SON: variants seen among roughly 807,000 people sequenced by gnomAD.
SON encodes protein SON.
In SON, 4 loss-of-function variants were observed where a neutral mutation model predicts 173.3. The observed-to-expected ratio is 0.02, with a 90% CI of 0.01 to 0.05. SON has a LOEUF of 0.05. Among genes scored for constraint, SON ranks in the 10% least tolerant of loss-of-function variants. SON has a pLI of 1.00. For missense variants in SON, 2,626 were observed against 3,055.3 expected (o/e 0.86, Z 3.31); for synonymous variants, 1,190 against 1,105.9 (o/e 1.08, Z -1.51).
At position 33,553,515 on chromosome 21, in the gene SON, A is replaced by C. The variant is rs148534511; in HGVS notation, c.4284A>C (p.Gln1428His). The change falls in exon 3 of 12, where the codon CAA becomes CAC. Residue 1428 changes from glutamine (Q) to histidine (H), a missense_variant. This residue lies in a region of SON where 1,006 missense variants were observed against 895.6 expected (regional missense o/e 1.12). Transcript: ENST00000356577. Reference sequence around the variant, plus strand: ...TGGAACCAGCGGTGTCAGTCCTTCAACCTTCTATGATTGTTTCAGAACCAT... The same window carrying C: ...TGGAACCAGCGGTGTCAGTCCTTCACCCTTCTATGATTGTTTCAGAACCAT... ...PVLEPAVSVLQPSMIVSEPSV... is the reference protein window; with the variant it reads ...PVLEPAVSVLHPSMIVSEPSV... 6.2e-7 allele frequency: 1 copy of C among 1,614,100 alleles called. No homozygotes were observed. The highest frequency in any genetic ancestry group is 1.1e-5 in the South Asian group (1 of 91,074).
intron 4 of SON, chr21:33,557,826 C>T (rs1349279088): frequency 2.0e-5 from 13 of 641,134 alleles, no homozygotes; most frequent in African/African-American, 3.8e-5. Context: ...CAGCCATTGG[C>T]GATAATGGCC....
Position 33,557,212 on chromosome 21 carries a change from G to T in SON, c.6217G>T (p.Ala2073Ser). Reference sequence around the variant, plus strand: ...TAATGCAGCTGCCATGTGTGCTAAGGCTGGTGTCCCTTTACCACCAAACCT... The same window carrying T: ...TAATGCAGCTGCCATGTGTGCTAAGTCTGGTGTCCCTTTACCACCAAACCT... ...KANAAAMCAK[A>S]GVPLPPNLKP... Residue 2073 changes from alanine (A) to serine (S), a missense_variant, in exon 4 of 12, where the codon GCT becomes TCT. By Grantham distance (99) the Ala-to-Ser change is moderately conservative. Coordinates refer to ENST00000356577, the MANE Select transcript of SON (RefSeq NM_138927.4). 6.2e-7 allele frequency: 1 copy of T among 1,613,066 alleles called. No homozygotes were observed.
chr21:33,554,011 T>C lies in SON; in HGVS notation c.4780T>C (p.Ser1594Pro). The C allele has an allele frequency of 1.2e-6, 2 of 1,614,122 alleles. No homozygotes were observed. Among genetic ancestry groups the C allele is most frequent in the African/African-American group, 1.3e-5 (1 of 75,054 alleles). ...VSEADAGETLSSTGPFALEPD... is the reference protein window; with the variant it reads ...VSEADAGETLPSTGPFALEPD... ...TGAAGCTGATGCAGGAGAAACTCTA[T>C]CTTCTACTGGTCCTTTTGCTCTGGA... Residue 1594 changes from serine (S) to proline (P), a missense_variant, in exon 3 of 12, where the codon TCT (serine) becomes CCT (proline). Coordinates refer to ENST00000356577, the MANE Select transcript of SON (RefSeq NM_138927.4).
Position 33,549,504 on chromosome 21 carries a change from A to G in SON, c.273A>G (p.Arg91=). 4.5e-6 allele frequency: 7 copies of G among 1,548,890 alleles called. No homozygotes were observed. The highest frequency in any genetic ancestry group is 6.1e-6 in the Non-Finnish European group (7 of 1,156,368). Reference sequence around the variant, plus strand: ...TGAAAGAGGGCTCCAGAAAAAGTAGATGCGTATCTGTACAAACAGATCCTA... The same window carrying G: ...TGAAAGAGGGCTCCAGAAAAAGTAGGTGCGTATCTGTACAAACAGATCCTA... The part of the protein sequence containing the change: ...PDLKEGSRKS[R]CVSVQTDPTD... The change falls in exon 3 of 12, where the codon AGA becomes AGG. Residue 91 remains arginine, a synonymous_variant. Coordinates refer to ENST00000356577, the MANE Select transcript of SON (RefSeq NM_138927.4).
chr21:33,563,227 T>C (rs1054608395), intron 6 of SON, among the ~76,000 whole-genome samples: 7 of 152,144 alleles, frequency 4.6e-5, no homozygotes, highest in Non-Finnish European at 7.4e-5. Flanking sequence ...ATTTAGTAGG[T>C]TATCTATTTG....
Position 33,553,509 on chromosome 21 carries a change from C to A in SON, c.4278C>A (p.Val1426=). The A allele has an allele frequency of 1.2e-6, 2 of 1,614,206 alleles. No individual in the cohort carries two copies. The highest frequency in any genetic ancestry group is 1.7e-6 in the Non-Finnish European group (2 of 1,180,036). The stretch of plus-strand genomic sequence containing the variant: ...CTGTTCTGGAACCAGCGGTGTCAGT[C>A]CTTCAACCTTCTATGATTGTTTCAG... ...SVPVLEPAVS[V]LQPSMIVSEP... is the part of the protein sequence containing the mutation. Residue 1426 remains valine, a synonymous_variant, in exon 3 of 12, where the codon GTC becomes GTA. Transcript: ENST00000356577.
At position 33,550,797 on chromosome 21, in the gene SON, G is replaced by A; in HGVS notation, c.1566G>A (p.Val522=). ...ELEQPVGMTT[V]EHPGHPEVTT... The stretch of plus-strand genomic sequence containing the variant: ...AGCAGCCTGTGGGGATGACAACGGT[G>A]GAACATCCTGGGCATCCTGAGGTGA... The change falls in exon 3 of 12, where the codon GTG becomes GTA. Residue 522 remains valine (V), a synonymous_variant. Coordinates refer to ENST00000356577, the MANE Select transcript of SON (RefSeq NM_138927.4). The A allele has an allele frequency of 6.2e-7, 1 of 1,614,206 alleles. No homozygotes were observed. Among genetic ancestry groups the A allele is most frequent in the Non-Finnish European group, 8.5e-7 (1 of 1,180,020 alleles).
chr21:33,557,052 G>T, intron 3 of SON, 104 bp from the exon 4 acceptor site: 4 of 900,140 alleles, frequency 4.4e-6, no homozygotes, highest in Non-Finnish European at 4.6e-6. Context: ...CAAGTTCTTC[G>T]ATGGATCTAG....
intron 2 of SON, among the ~76,000 whole-genome samples, chr21:33,548,147 C>A (rs1455758653): frequency 1.3e-5 from 2 of 152,200 alleles, no homozygotes; most frequent in African/African-American, 4.8e-5. Context: ...TTGAATACTC[C>A]CATCTCTTTA....
At chr21:33,544,645 CTT>C (rs1305812025) in intron 1 of SON, among the ~76,000 whole-genome samples, 1 of 152,076 alleles carries the variant, frequency 6.6e-6, no homozygotes, top group African/African-American at 2.4e-5. Context: ...CAGTCTCAGT[CTT>C]TTGGACTTCT....
Position 33,550,116 on chromosome 21 carries a change from A to G in SON, c.885A>G (p.Pro295=), listed in dbSNP as rs545809028. 5.0e-6 allele frequency: 8 copies of G among 1,614,190 alleles called. No homozygotes were observed. Among genetic ancestry groups the G allele is most frequent in the South Asian group, 1.1e-5 (1 of 91,090 alleles). ...EPSKIMLVEP[P]VAKVLEPSET... Reference sequence around the variant, plus strand: ...CAAAGATCATGTTGGTAGAGCCCCCAGTAGCAAAAGTGTTAGAGCCTTCAG... The same window carrying G: ...CAAAGATCATGTTGGTAGAGCCCCCGGTAGCAAAAGTGTTAGAGCCTTCAG... The change falls in exon 3 of 12, where the codon CCA becomes CCG. Residue 295 remains proline, a synonymous_variant. Coordinates refer to ENST00000356577, the MANE Select transcript of SON (RefSeq NM_138927.4).
rs1284003543 is a variant in SON at position 33,554,674 on chromosome 21, G to GA, written c.5444dup (p.Lys1816GlufsTer12). 1 of 1,613,888 alleles carries GA rather than the reference G, an allele frequency of 6.2e-7. No homozygotes were observed. Reference sequence around the variant, plus strand: ...TAAGAACCGTGATAAGGGGGAGAAAGAGAAGAAAAGAGACTCTTCATTAAG... The same window carrying GA: ...TAAGAACCGTGATAAGGGGGAGAAAGAAGAAGAAAAGAGACTCTTCATTAAG... On this transcript the variant is annotated frameshift_variant, in exon 3 of 12. Coordinates refer to ENST00000356577, the MANE Select transcript of SON (RefSeq NM_138927.4). LOFTEE classifies it high-confidence loss of function.
chr21:33,556,370 A>C (rs1200968644), intron 3 of SON, among the ~76,000 whole-genome samples: 3 of 152,184 alleles, frequency 2.0e-5, no homozygotes, highest in Non-Finnish European at 4.4e-5. Context: ...CACAATGGGA[A>C]AAGGGGAAAA....
In SON at chr21:33,574,314, A is replaced by G. The variant is rs567995357; in HGVS notation, c.7033+859A>G. 2.0e-5 allele frequency among the ~76,000 whole-genome samples: 3 copies of G among 152,324 alleles called. No homozygotes were observed. In the South Asian group the frequency reaches 6.2e-4, roughly 32 times the overall value. ...TAAGTTGAAGCTAACTTCAATAGTT[A>G]AACTGTCTTAATGAATTTGGAAATG... is the stretch of plus-strand genomic sequence containing the variant. On this transcript the variant is annotated intron_variant, in intron 9 of 11. Transcript: ENST00000356577.
At chr21:33,573,189 A>T in intron 8 of SON, 119 bp from the exon 9 acceptor site, 1 of 759,554 alleles carries the variant, frequency 1.3e-6, no homozygotes, top group Non-Finnish European at 2.2e-6. Context: ...ATTTACATTT[A>T]ATTGCTATAA....
chr21:33,551,885 T>A lies in SON; in HGVS notation c.2654T>A (p.Met885Lys). 1 of 1,614,066 alleles carries A rather than the reference T, an allele frequency of 6.2e-7. No homozygotes were observed. The highest frequency in any genetic ancestry group is 1.1e-5 in the South Asian group (1 of 91,078). Residue 885 changes from methionine to lysine, a missense_variant, in exon 3 of 12, where the codon ATG becomes AAG. Transcript: ENST00000356577. Reference protein sequence around the residue: ...MLASGTMDAQMLASGTMDAQM... With the variant: ...MLASGTMDAQKLASGTMDAQM... ...GCTTCTGGCACCATGGATGCTCAGA[T>A]GTTAGCGTCTGGTACCATGGATGCC... is the stretch of plus-strand genomic sequence containing the variant.
chr21:33,552,362 C>T lies in SON; in HGVS notation c.3131C>T (p.Ala1044Val). 3 of 1,614,058 alleles carry T rather than the reference C, an allele frequency of 1.9e-6. No homozygotes were observed. Among genetic ancestry groups the T allele is most frequent in the Non-Finnish European group, 2.5e-6 (3 of 1,179,990 alleles). ...MSAYERSMMSAYERSMMSPMA... is the reference protein window; with the variant it reads ...MSAYERSMMSVYERSMMSPMA... Reference sequence around the variant, plus strand: ...GCCTACGAGCGCTCTATGATGTCAGCCTACGAGCGCTCTATGATGTCCCCT... The same window carrying T: ...GCCTACGAGCGCTCTATGATGTCAGTCTACGAGCGCTCTATGATGTCCCCT... The change falls in exon 3 of 12, where the codon GCC becomes GTC. Residue 1044 changes from alanine (A) to valine (V), a missense_variant. This residue lies in a region of SON where 366 missense variants were observed against 448.6 expected (regional missense o/e 0.82). Transcript: ENST00000356577. This position sits in a 1 kb window ranked among gnomAD's most constrained non-coding sequence, Gnocchi z 5.6.
intron 8 of SON, chr21:33,570,001 G>A (rs1387947946): frequency 6.4e-6 from 1 of 155,146 alleles, no homozygotes; most frequent in African/African-American, 2.4e-5. Context: ...CATCATTGGG[G>A]GAGTCTTAGG....
At chr21:33,572,819 T>C (rs1836117380) in intron 8 of SON, among the ~76,000 whole-genome samples, 1 of 152,006 alleles carries the variant, frequency 6.6e-6, no homozygotes, top group Admixed American at 6.6e-5. Context: ...ATATTTATAC[T>C]TGCTTTATAG....
Sources: allele counts gnomAD v4.1 joint callset (sites outside exome capture counted in the v4.1 genomes callset), GRCh38; gene constraint gnomAD v4.1.1; regional missense constraint gnomAD v4.1.1; non-coding constraint Gnocchi (gnomAD v3.1); transcripts MANE v1.5; gene names NCBI Gene and HGNC (gene_info 2026-07-23, HGNC 2026-07-21).